The following TOGARAM2 variants were observed in gnomAD, a reference collection of about 807,000 sequenced individuals.
TOGARAM2 encodes TOG array regulator of axonemal microtubules protein 2.
Under a neutral mutation model 93.3 loss-of-function variants are expected in TOGARAM2, and 85 were observed. The observed-to-expected ratio is 0.91, with a 90% CI of 0.76 to 1.09. The LOEUF is 1.09. TOGARAM2 is among the 50% of genes least tolerant of loss of function. TOGARAM2 has a pLI of 0.00. For synonymous variants in TOGARAM2, 593 were observed against 552.8 expected (o/e 1.07, Z -1.02); for missense variants, 1,277 against 1,334.5 (o/e 0.96, Z 0.67).
At chr2:29,011,664 G>A (rs1023515841) in intron 7 of TOGARAM2, among the ~76,000 whole-genome samples, 163 bp downstream of exon 7, 1 of 152,220 alleles carries the variant, frequency 6.6e-6, no homozygotes, top group Non-Finnish European at 1.5e-5. Context: ...TAACCGGAGG[G>A]TGGCAGCGGG....
intron 1 of TOGARAM2, among the ~76,000 whole-genome samples, chr2:28,992,628 A>G (rs79981594): frequency 0.011 from 1,612 of 152,272 alleles, 17 homozygotes; most frequent in Middle Eastern, 0.051. Context: ...TTAGCCTCCT[A>G]GAGAGTGATC....
chr2:28,961,640 A>G (rs1344790870), intron 1 of TOGARAM2, among the ~76,000 whole-genome samples: 1 of 152,162 alleles, frequency 6.6e-6, no homozygotes, highest in Non-Finnish European at 1.5e-5. Context: ...TGCACCCGGC[A>G]TGAGGTGTAA....
At position 29,017,136 on chromosome 2, in the gene TOGARAM2, G is replaced by C; in HGVS notation, c.1045-18G>C. ...AATGAATGGGAGGTTAATAGAGTTT[G>C]CCTTGACCTTGTGCCAGATCCAAGT... is the stretch of plus-strand genomic sequence containing the variant. On this transcript the variant is annotated intron_variant, in intron 8 of 19. Coordinates refer to ENST00000379558, the MANE Select transcript of TOGARAM2 (RefSeq NM_199280.4). 1 of 1,610,482 alleles carries C rather than the reference G, an allele frequency of 6.2e-7. No homozygotes were observed. The highest frequency in any genetic ancestry group is 1.1e-5 in the South Asian group (1 of 90,444).
At chr2:28,989,081 G>A (rs1340295869) in intron 1 of TOGARAM2, among the ~76,000 whole-genome samples, 1 of 152,150 alleles carries the variant, frequency 6.6e-6, no homozygotes, top group Non-Finnish European at 1.5e-5. Flanking sequence ...CTGGAGTCTT[G>A]CTCTGTCGCC....
At chr2:28,997,814 T>A (rs576806066) in intron 2 of TOGARAM2, among the ~76,000 whole-genome samples, 62 of 151,998 alleles carry the variant, frequency 4.1e-4, no homozygotes, top group African/African-American at 1.3e-3. Flanking sequence ...CGGTCAATGA[T>A]GTTGGGTGAT....
rs74460031 is a variant in TOGARAM2 at position 28,994,598 on chromosome 2, C to T, written c.-110-127C>T. 11 of 419,950 alleles carry T rather than the reference C, an allele frequency of 2.6e-5. No homozygotes were observed. The East Asian group carries it at 2.9e-4, about 11-fold the overall frequency. The allele number at this position is 419,950 out of a possible 1,614,324, so 26.0% of individuals were successfully genotyped here. On this transcript the variant is annotated intron_variant, in intron 1 of 19. Transcript: ENST00000379558. ...TGTGAGTCCAATGTCAGAAAAATGG[C>T]ATCCTTTGGTTTAGTGGCCGATTTC...
intron 14 of TOGARAM2, 22 bp downstream of exon 14, chr2:29,027,033 G>A (rs768222057): frequency 9.8e-6 from 15 of 1,536,878 alleles, no homozygotes; most frequent in Middle Eastern, 3.7e-4. Context: ...CCAGGGGCCT[G>A]GGGGCAGAGA....
intron 18 of TOGARAM2, among the ~76,000 whole-genome samples, chr2:29,039,433 C>T (rs574300637): frequency 9.7e-4 from 147 of 152,328 alleles, no homozygotes; most frequent in African/African-American, 3.4e-3. Flanking sequence ...AGGATGCCTT[C>T]TGGCATAAAG....
chr2:29,023,015 CCCTAGTCTGCAGAGGGGTGGGGCT>C, intron 11 of TOGARAM2, 47 bp from the exon 12 acceptor site: 1 of 1,386,492 alleles, frequency 7.2e-7, no homozygotes, highest in Non-Finnish European at 1.0e-6. Flanking sequence ...GATGTGGGGC[CCCTAGTCTGCAGAGGGGTGGGGCT>C]CCTCCCTCTC....
intron 1 of TOGARAM2, among the ~76,000 whole-genome samples, chr2:28,964,038 G>A (rs928213180): frequency 6.6e-6 from 1 of 152,084 alleles, no homozygotes; most frequent in Admixed American, 6.6e-5. Context: ...TGCTATTGTT[G>A]GGTGCAATGG....
At chr2:29,022,105 G>C in intron 10 of TOGARAM2, 53 bp from the exon 11 acceptor site, 1 of 1,611,034 alleles carries the variant, frequency 6.2e-7, no homozygotes. Context: ...GGCCACTCGG[G>C]CTCTTGCCTG....
chr2:29,005,337 G>C (rs1447941565), intron 6 of TOGARAM2, among the ~76,000 whole-genome samples: 1 of 62,904 alleles, frequency 1.6e-5, no homozygotes, highest in Admixed American at 1.8e-4. Context: ...GTGTGAGACC[G>C]TGTGTGTGCA....
intron 1 of TOGARAM2, among the ~76,000 whole-genome samples, chr2:28,985,072 A>AC (rs1008548224): frequency 1.1e-4 from 17 of 152,034 alleles, no homozygotes; most frequent in African/African-American, 4.1e-4. Context: ...TTAAAGCCTA[A>AC]CCCCCCATGT....
chr2:28,965,293 A>C (rs971000260), intron 1 of TOGARAM2, among the ~76,000 whole-genome samples: 3 of 151,742 alleles, frequency 2.0e-5, no homozygotes, highest in Admixed American at 1.3e-4. Flanking sequence ...TAAGTGTGCC[A>C]CTCTGCTATT....
At chr2:28,987,436 T>A (rs934563466) in intron 1 of TOGARAM2, among the ~76,000 whole-genome samples, 1 of 152,092 alleles carries the variant, frequency 6.6e-6, no homozygotes, top group Admixed American at 6.6e-5. Context: ...ACCGCAGGCA[T>A]CCACCACCAC....
chr2:28,959,331 T>TC (rs1671767177), intron 1 of TOGARAM2, among the ~76,000 whole-genome samples: 1 of 152,172 alleles, frequency 6.6e-6, no homozygotes, highest in Admixed American at 6.5e-5. Flanking sequence ...TGCATCAATT[T>TC]CCCCATAGAC....
At chr2:28,977,397 A>T (rs1023900184), upstream of TOGARAM2, among the ~76,000 whole-genome samples, 1 of 151,900 alleles carries the variant, frequency 6.6e-6, no homozygotes, top group African/African-American at 2.4e-5. Flanking sequence ...CTGGGATCTG[A>T]CCTCCAGCTA....
At chr2:28,960,768 A>G (rs1558391264) in intron 1 of TOGARAM2, among the ~76,000 whole-genome samples, 1 of 152,214 alleles carries the variant, frequency 6.6e-6, no homozygotes, top group Admixed American at 6.5e-5. Flanking sequence ...GCTGTCCAAA[A>G]TGGAAGTCAT....
In TOGARAM2 at chr2:28,960,667, A is replaced by G. The variant is rs545836660; in HGVS notation, c.-147+3970A>G. On this transcript the variant is annotated intron_variant, in intron 1 of 6. Transcript: ENST00000401723. ...TCATTTCCCTAAGTGAGTTTAACTCATTCCTGTACCCTCTGTATTTTCTAT... is the reference window on the plus strand; with the variant it reads ...TCATTTCCCTAAGTGAGTTTAACTCGTTCCTGTACCCTCTGTATTTTCTAT... 4.6e-5 allele frequency among the ~76,000 whole-genome samples: 7 copies of G among 152,336 alleles called. No individual in the cohort carries two copies. In the East Asian group the frequency reaches 1.2e-3, roughly 25 times the overall value.
Sources: gnomAD v4.1 joint callset for allele counts (sites outside exome capture counted in the v4.1 genomes callset) on GRCh38, gnomAD v4.1.1 for gene constraint, MANE v1.5 for transcripts, NCBI Gene and HGNC (gene_info 2026-07-23, HGNC 2026-07-21) for gene names.